Variants in RLN2 observed in about 807,000 individuals in gnomAD.
RLN2 encodes the protein relaxin 2.
In RLN2, 10 loss-of-function variants were observed where a neutral mutation model predicts 7.3. That is an observed-to-expected ratio of 1.36 (90% CI 0.84 to 2.31). RLN2 has a LOEUF of 2.31. Ranked by LOEUF, RLN2 falls within the 30% of genes most tolerant of loss-of-function variation. The pLI is 0.00. For synonymous variants in RLN2, 103 were observed against 82.3 expected (o/e 1.25, Z -1.36); for missense variants, 298 against 217.6 (o/e 1.37, Z -2.32).
At chr9:5,310,463 C>T in the RLN2 span, among the ~76,000 whole-genome samples, 2 of 151,980 alleles carry the variant, frequency 1.3e-5, no homozygotes, top group African/African-American at 4.8e-5. Flanking sequence ...AACTAACATT[C>T]CATTGAAGTT....
upstream of RLN2, among the ~76,000 whole-genome samples, chr9:5,308,635 A>T (rs974492479): frequency 6.6e-6 from 1 of 151,972 alleles, no homozygotes; most frequent in Non-Finnish European, 1.5e-5. Context: ...ATTAATGTCA[A>T]AGCATCAAGG....
At chr9:5,331,359 A>G in the RLN2 span, among the ~76,000 whole-genome samples, 9 of 152,014 alleles carry the variant, frequency 5.9e-5, 1 homozygote, top group Non-Finnish European at 1.2e-4. Flanking sequence ...ACGCTACTAT[A>G]AAGACACATG....
the RLN2 span, among the ~76,000 whole-genome samples, chr9:5,310,306 G>C: frequency 6.6e-6 from 1 of 151,950 alleles, no homozygotes; most frequent in Non-Finnish European, 1.5e-5. Flanking sequence ...AAAACCACGA[G>C]ATTCTTGTGT....
At chr9:5,336,694 A>G in the RLN2 span, among the ~76,000 whole-genome samples, 3 of 152,112 alleles carry the variant, frequency 2.0e-5, no homozygotes, top group African/African-American at 7.2e-5. Flanking sequence ...TGTTTAAATT[A>G]TAGTGTAAAC....
upstream of RLN2, among the ~76,000 whole-genome samples, chr9:5,308,017 T>C (rs1361867071): frequency 1.3e-5 from 2 of 152,016 alleles, no homozygotes. Flanking sequence ...CAGTCGGTGC[T>C]ACATTGGATC....
At chr9:5,310,663 T>C in the RLN2 span, among the ~76,000 whole-genome samples, 1 of 152,028 alleles carries the variant, frequency 6.6e-6, no homozygotes, top group Non-Finnish European at 1.5e-5. Context: ...GCCCAAGAAT[T>C]TGCAATATAC....
At chr9:5,335,585 G>T in the RLN2 span, 1 of 1,603,238 alleles carries the variant, frequency 6.2e-7, no homozygotes. Context: ...GTTGATGAAG[G>T]ATGGTACAAT....
chr9:5,322,166 C>T, the RLN2 span, among the ~76,000 whole-genome samples: 1 of 151,836 alleles, frequency 6.6e-6, no homozygotes, highest in African/African-American at 2.4e-5. Context: ...GAATAAGATC[C>T]CTTCCAAGTG....
the RLN2 span, among the ~76,000 whole-genome samples, chr9:5,326,271 G>C: frequency 6.6e-6 from 1 of 152,048 alleles, no homozygotes; most frequent in South Asian, 2.1e-4. Flanking sequence ...GGATGAAAAG[G>C]CACCCAGGGG....
At chr9:5,335,142 T>TA in the RLN2 span, 13 of 615,362 alleles carry the variant, frequency 2.1e-5, no homozygotes, top group Non-Finnish European at 2.7e-5. Context: ...TAAACATTAA[T>TA]AAAGATTTCT....
chr9:5,337,214 A>C, the RLN2 span, among the ~76,000 whole-genome samples: 10 of 152,142 alleles, frequency 6.6e-5, no homozygotes, highest in African/African-American at 2.4e-4. Context: ...CTGTAGTTGC[A>C]GTCTTATTAA....
Position 5,304,646 on chromosome 9 carries a change from T to A in RLN2, c.-66A>T. ...TTTCAGGACTGCAGCTGCTGTGGCCTACACACCTGGGCCTGTGTGCCTGTC... is the reference window on the plus strand; with the variant it reads ...TTTCAGGACTGCAGCTGCTGTGGCCAACACACCTGGGCCTGTGTGCCTGTC... On this transcript the variant is annotated 5_prime_UTR_variant, in exon 1 of 2. Transcript: ENST00000381627. 2 of 1,517,300 alleles carry A rather than the reference T, an allele frequency of 1.3e-6. No individual in the cohort carries two copies. Among genetic ancestry groups the A allele is most frequent in the Non-Finnish European group, 1.8e-6 (2 of 1,094,958 alleles). 94.0% of individuals were successfully genotyped at this position (1,517,300 alleles called of 1,614,324 possible).
At chr9:5,307,989 C>G (rs1036199182), upstream of RLN2, among the ~76,000 whole-genome samples, 15 of 151,912 alleles carry the variant, frequency 9.9e-5, no homozygotes, top group African/African-American at 3.4e-4. Context: ...ACAGGCAACT[C>G]ATACCTGATC....
chr9:5,335,618 G>A, the RLN2 span: 1 of 1,517,800 alleles, frequency 6.6e-7, no homozygotes, highest in Non-Finnish European at 9.1e-7. Context: ...TAAAAAAAAA[G>A]TGTATGTGAA....
At chr9:5,335,878 C>T in the RLN2 span, among the ~76,000 whole-genome samples, 1 of 151,950 alleles carries the variant, frequency 6.6e-6, no homozygotes, top group African/African-American at 2.4e-5. Context: ...TTTTGACTCT[C>T]CCTGACATTA....
At chr9:5,320,153 T>C in the RLN2 span, among the ~76,000 whole-genome samples, 1 of 151,418 alleles carries the variant, frequency 6.6e-6, no homozygotes, top group Admixed American at 6.6e-5. Context: ...ATCTGGCTAA[T>C]TTTTGTAGTT....
At chr9:5,329,195 C>T in the RLN2 span, among the ~76,000 whole-genome samples, 131 of 148,170 alleles carry the variant, frequency 8.8e-4, 3 homozygotes, top group Middle Eastern at 0.01. Flanking sequence ...CCCAGCTACT[C>T]GGGAGGCTGA....
At chr9:5,337,422 A>G in the RLN2 span, among the ~76,000 whole-genome samples, 1 of 152,042 alleles carries the variant, frequency 6.6e-6, no homozygotes, top group African/African-American at 2.4e-5. Context: ...CTCAGAGAAA[A>G]TATTCTGTCT....
At chr9:5,326,970 G>C in the RLN2 span, among the ~76,000 whole-genome samples, 1 of 152,054 alleles carries the variant, frequency 6.6e-6, no homozygotes, top group African/African-American at 2.4e-5. Flanking sequence ...GCAACTCCCA[G>C]TGAGATTGAT....
Sources: gnomAD v4.1 joint callset for allele counts (sites outside exome capture counted in the v4.1 genomes callset) on GRCh38, gnomAD v4.1.1 for gene constraint, MANE v1.5 for transcripts, NCBI Gene and HGNC (gene_info 2026-07-23, HGNC 2026-07-21) for gene names.